The following KIF16B variants were observed in gnomAD, a reference collection of about 807,000 sequenced individuals.
KIF16B encodes kinesin-like protein KIF16B.
A neutral mutation model predicts 156.3 loss-of-function variants in KIF16B; 98 were observed. That is an observed-to-expected ratio of 0.63 (90% CI 0.53 to 0.74). The LOEUF is 0.74. Among genes scored for constraint, KIF16B ranks in the 30% least tolerant of loss-of-function variants. KIF16B has a pLI of 0.00. For synonymous variants in KIF16B, 564 were observed against 583.7 expected, an observed-to-expected ratio of 0.97 and a Z score of 0.49; for missense variants, 1,421 against 1,606.5, an observed-to-expected ratio of 0.88 and a Z score of 1.97.
At chr20:16,436,967 T>A (rs1207431259) in intron 12 of KIF16B, among the ~76,000 whole-genome samples, 1 of 152,208 alleles carries the variant, frequency 6.6e-6, no homozygotes, top group Admixed American at 6.5e-5. Context: ...CTCCTGAGGA[T>A]ACCAAATCCA....
intron 18 of KIF16B, among the ~76,000 whole-genome samples, chr20:16,380,795 G>T (rs6135743): frequency 6.6e-6 from 1 of 152,220 alleles, no homozygotes; most frequent in Non-Finnish European, 1.5e-5. Flanking sequence ...CTGGTGGGGA[G>T]GTGACATGTT....
At position 16,282,234 on chromosome 20, in the gene KIF16B, T is replaced by C. The variant is rs923140987; in HGVS notation, c.3796-8823A>G. Among the ~76,000 whole-genome samples the C allele has an allele frequency of 5.3e-5, 8 of 152,046 alleles. No individual in the cohort carries two copies. The East Asian group carries it at 1.6e-3, about 30-fold the overall frequency. ...TTTTAGTAGAGATGGGGTTTCACCATGCTGGTCAGGCTGGCCTCGAACCCC... is the reference window on the plus strand; with the variant it reads ...TTTTAGTAGAGATGGGGTTTCACCACGCTGGTCAGGCTGGCCTCGAACCCC... On this transcript the variant is annotated intron_variant, in intron 25 of 25. Coordinates refer to ENST00000354981, the MANE Select transcript of KIF16B (RefSeq NM_024704.5).
At chr20:16,405,210 T>C (rs1041153513) in intron 16 of KIF16B, among the ~76,000 whole-genome samples, 9 of 152,096 alleles carry the variant, frequency 5.9e-5, no homozygotes, top group African/African-American at 2.2e-4. Flanking sequence ...TCACAATATC[T>C]TTGCCATCCT....
intron 3 of KIF16B, among the ~76,000 whole-genome samples, chr20:16,519,507 T>A (rs918846665): frequency 1.3e-5 from 2 of 152,152 alleles, no homozygotes; most frequent in African/African-American, 4.8e-5. Flanking sequence ...AAAGCCAACT[T>A]CCTCCACAAA....
intron 22 of KIF16B, 113 bp from the exon 23 acceptor site, chr20:16,356,565 C>G (rs1212119149): frequency 2.2e-5 from 25 of 1,148,486 alleles, no homozygotes; most frequent in Non-Finnish European, 2.9e-5. Context: ...AAAAGAGCAT[C>G]AAACCAGTAG....
chr20:16,496,651 A>C (rs1046455716), intron 11 of KIF16B, among the ~76,000 whole-genome samples: 8 of 152,218 alleles, frequency 5.3e-5, no homozygotes, highest in African/African-American at 1.9e-4. Flanking sequence ...CCAATAACTT[A>C]TTTGGTATTC....
chr20:16,362,540 T>A (rs1276437686), intron 22 of KIF16B, among the ~76,000 whole-genome samples: 1 of 152,206 alleles, frequency 6.6e-6, no homozygotes, highest in East Asian at 1.9e-4. Context: ...TGGAAATATA[T>A]ATTTCTAGCA....
chr20:16,508,662 C>G (rs917820673), intron 6 of KIF16B, among the ~76,000 whole-genome samples: 1 of 152,148 alleles, frequency 6.6e-6, no homozygotes, highest in Admixed American at 6.5e-5. Context: ...CTGTTCACCT[C>G]CTACTGTGCG....
intron 12 of KIF16B, among the ~76,000 whole-genome samples, chr20:16,456,058 C>T (rs1371559453): frequency 6.6e-6 from 1 of 151,644 alleles, no homozygotes; most frequent in African/African-American, 2.4e-5. Flanking sequence ...GGTATTTTTC[C>T]AAAAATTAGT....
At chr20:16,327,933 T>C (rs1009190943) in intron 24 of KIF16B, among the ~76,000 whole-genome samples, 2 of 152,146 alleles carry the variant, frequency 1.3e-5, no homozygotes, top group Non-Finnish European at 2.9e-5. Flanking sequence ...GTGAGCAGAT[T>C]TGCAATTTTT....
At chr20:16,349,220 C>G (rs999073354) in intron 23 of KIF16B, among the ~76,000 whole-genome samples, 1 of 152,242 alleles carries the variant, frequency 6.6e-6, no homozygotes, top group Non-Finnish European at 1.5e-5. Flanking sequence ...GACAGATGAA[C>G]TAGTTGTGAC....
Position 16,526,176 on chromosome 20 carries a change from T to C in KIF16B, c.147A>G (p.Gly49=). Residue 49 remains glycine, a synonymous_variant, in exon 3 of 26, where the codon GGA becomes GGG. Transcript: ENST00000354981. ...KIPEGGTGDS[G]RERTKTFTYD... ...AGGTGAAGGTCTTGGTCCGTTCTCT[T>C]CCTGAGTCCCCAGTGCCTCCTTCTG... The C allele has an allele frequency of 6.2e-7, 1 of 1,602,996 alleles. No individual in the cohort carries two copies. Among genetic ancestry groups the C allele is most frequent in the Non-Finnish European group, 8.5e-7 (1 of 1,174,436 alleles).
intron 22 of KIF16B, chr20:16,367,996 G>A: frequency 7.0e-7 from 1 of 1,430,896 alleles, no homozygotes; most frequent in Non-Finnish European, 9.1e-7. Context: ...CAGGACCAAA[G>A]CATATAAAGT....
intron 15 of KIF16B, among the ~76,000 whole-genome samples, chr20:16,417,292 C>T (rs2066114120): frequency 6.6e-6 from 1 of 152,110 alleles, no homozygotes; most frequent in Non-Finnish European, 1.5e-5. Flanking sequence ...GACCACTGCA[C>T]AGGTCCCAGC....
rs2066376669 is a variant in KIF16B at position 16,427,157 on chromosome 20, G to C, written c.1559C>G (p.Ser520Cys). 6.2e-7 allele frequency: 1 copy of C among 1,612,778 alleles called. No individual in the cohort carries two copies. Among genetic ancestry groups the C allele is most frequent in the Admixed American group, 1.7e-5 (1 of 59,912 alleles). ...GTVTLIPLSG[S>C]QCSVNGVQIV... Reference sequence around the variant, plus strand: ...CTGAACACCATTCACAGAGCACTGGGACCCACTCAGGGGTATCAGAGTCAC... The same window carrying C: ...CTGAACACCATTCACAGAGCACTGGCACCCACTCAGGGGTATCAGAGTCAC... Residue 520 changes from serine to cysteine, a missense_variant, in exon 15 of 26, where the codon TCC becomes TGC. Coordinates refer to ENST00000354981, the MANE Select transcript of KIF16B (RefSeq NM_024704.5).
chr20:16,324,819 A>G (rs1190827433), intron 24 of KIF16B, among the ~76,000 whole-genome samples: 1 of 152,052 alleles, frequency 6.6e-6, no homozygotes, highest in East Asian at 1.9e-4. Flanking sequence ...TCACCCTAAT[A>G]CCAAAACCAG....
intron 22 of KIF16B, among the ~76,000 whole-genome samples, chr20:16,365,497 C>T (rs1323802949): frequency 1.3e-5 from 2 of 152,202 alleles, no homozygotes; most frequent in Non-Finnish European, 2.9e-5. Context: ...AATGCCTCCA[C>T]TGGTCAGAAG....
intron 24 of KIF16B, among the ~76,000 whole-genome samples, chr20:16,316,560 AT>A (rs2063700422): frequency 6.6e-6 from 1 of 152,160 alleles, no homozygotes; most frequent in South Asian, 2.1e-4. Flanking sequence ...TCTCTGAAAA[AT>A]GAGGGCCCTG....
intron 24 of KIF16B, among the ~76,000 whole-genome samples, chr20:16,319,495 T>G (rs1397414750): frequency 1.3e-5 from 2 of 152,128 alleles, no homozygotes; most frequent in African/African-American, 2.4e-5. Context: ...TCTTTTTAGA[T>G]CCAGTGGAGA....
Sources: allele counts gnomAD v4.1 joint callset (sites outside exome capture counted in the v4.1 genomes callset), GRCh38; gene constraint gnomAD v4.1.1; transcripts MANE v1.5; gene names NCBI Gene and HGNC (gene_info 2026-07-23, HGNC 2026-07-21).